Variants in FAM135A observed in about 807,000 individuals in gnomAD.
The protein encoded by FAM135A is family with sequence similarity 135 member A, also known as protein FAM135A.
Under a neutral mutation model 146.8 loss-of-function variants are expected in FAM135A, and 79 were observed. That is an observed-to-expected ratio of 0.54 (90% CI 0.45 to 0.65). The LOEUF is 0.65. Ranked by LOEUF, FAM135A falls within the 30% of genes least tolerant of loss-of-function variation. FAM135A has a pLI of 0.00. For missense variants in FAM135A, 1,623 were observed against 1,758.2 expected (o/e 0.92, Z 1.38); for synonymous variants, 562 against 603.6 (o/e 0.93, Z 1.01).
At chr6:70,454,196 A>G (rs565778159) in intron 5 of FAM135A, among the ~76,000 whole-genome samples, 50 of 152,132 alleles carry the variant, frequency 3.3e-4, no homozygotes, top group Non-Finnish European at 5.4e-4. Flanking sequence ...TGACTGCATA[A>G]ATGTCTTCTT....
intron 2 of FAM135A, among the ~76,000 whole-genome samples, chr6:70,422,068 A>G (rs970390519): frequency 5.3e-5 from 8 of 152,246 alleles, no homozygotes; most frequent in Non-Finnish European, 8.8e-5. Flanking sequence ...GTTCGCCCAC[A>G]GAATGAATTT....
At chr6:70,454,765 A>G (rs1204970602) in intron 5 of FAM135A, among the ~76,000 whole-genome samples, 1 of 151,914 alleles carries the variant, frequency 6.6e-6, no homozygotes, top group African/African-American at 2.4e-5. Context: ...CCATTGGTCT[A>G]TCTCTCTCTT....
At chr6:70,514,364 T>C (rs1791731119) in intron 12 of FAM135A, among the ~76,000 whole-genome samples, 2 of 152,176 alleles carry the variant, frequency 1.3e-5, no homozygotes, top group African/African-American at 4.8e-5. Flanking sequence ...TCCATTTTTA[T>C]GCTGAGAAGC....
At chr6:70,541,862 T>G (rs1797986474) in intron 20 of FAM135A, among the ~76,000 whole-genome samples, 1 of 152,208 alleles carries the variant, frequency 6.6e-6, no homozygotes, top group African/African-American at 2.4e-5. Context: ...GAAAGTGTTC[T>G]TGACTCTGCT....
At chr6:70,437,096 C>T (rs1048162250) in intron 4 of FAM135A, among the ~76,000 whole-genome samples, 23 of 152,070 alleles carry the variant, frequency 1.5e-4, no homozygotes, top group African/African-American at 5.6e-4. Context: ...TACTGTGTTT[C>T]TACATTAATG....
At chr6:70,426,131 A>AAC (rs761311501) in intron 2 of FAM135A, among the ~76,000 whole-genome samples, 13 of 147,218 alleles carry the variant, frequency 8.8e-5, no homozygotes, top group African/African-American at 2.2e-4. Flanking sequence ...ACAACAACAA[A>AAC]AAAAAAATTA....
intron 8 of FAM135A, among the ~76,000 whole-genome samples, chr6:70,480,617 G>A (rs1391278792): frequency 6.6e-6 from 1 of 152,020 alleles, no homozygotes; most frequent in Non-Finnish European, 1.5e-5. Context: ...TTGTTGTTTA[G>A]CTACTCTAAA....
chr6:70,545,056 AAAAAACAAAC>A (rs1372109178), intron 20 of FAM135A, among the ~76,000 whole-genome samples: 1 of 151,974 alleles, frequency 6.6e-6, no homozygotes, highest in Non-Finnish European at 1.5e-5. Flanking sequence ...TGTCTCAAAA[AAAAAACAAAC>A]AAAAACAAAC....
At chr6:70,501,878 G>A (rs981436521) in intron 11 of FAM135A, among the ~76,000 whole-genome samples, 9 of 152,264 alleles carry the variant, frequency 5.9e-5, no homozygotes, top group Middle Eastern at 3.4e-3. Context: ...GGTGTCACTG[G>A]GAGCTGCAGA....
intron 11 of FAM135A, among the ~76,000 whole-genome samples, chr6:70,495,632 T>C (rs1283916076): frequency 2.6e-5 from 4 of 152,108 alleles, no homozygotes; most frequent in Non-Finnish European, 5.9e-5. Flanking sequence ...AAATATATTT[T>C]ATTTTATTTT....
chr6:70,504,262 G>A (rs1789216971), intron 12 of FAM135A: 1 of 152,110 alleles, frequency 6.6e-6, no homozygotes, highest in African/African-American at 2.4e-5. Context: ...TGGTTATGTA[G>A]GTTTGCTCCA....
chr6:70,500,953 C>T (rs1047528648), intron 11 of FAM135A, among the ~76,000 whole-genome samples: 7 of 152,328 alleles, frequency 4.6e-5, no homozygotes, highest in Middle Eastern at 3.4e-3. Flanking sequence ...TCAGAAGGCA[C>T]GGGGGTCAGG....
chr6:70,441,305 T>G (rs1774411275), intron 4 of FAM135A, among the ~76,000 whole-genome samples: 1 of 152,128 alleles, frequency 6.6e-6, no homozygotes, highest in Non-Finnish European at 1.5e-5. Context: ...GGAGAATTGC[T>G]TGAGACTCAG....
chr6:70,441,105 C>A (rs1443054202), intron 4 of FAM135A, among the ~76,000 whole-genome samples: 2 of 152,094 alleles, frequency 1.3e-5, no homozygotes, highest in East Asian at 3.9e-4. Context: ...AATATTGTGT[C>A]ACTATCAGCT....
At chr6:70,542,156 T>C (rs1265183807) in intron 20 of FAM135A, among the ~76,000 whole-genome samples, 3 of 152,058 alleles carry the variant, frequency 2.0e-5, no homozygotes, top group East Asian at 1.9e-4. Context: ...TCATGATGCT[T>C]TGTGGTATTC....
At chr6:70,437,638 A>G (rs1233800632) in intron 4 of FAM135A, among the ~76,000 whole-genome samples, 1 of 152,098 alleles carries the variant, frequency 6.6e-6, no homozygotes, top group East Asian at 1.9e-4. Context: ...CAGAAAATAT[A>G]CTTTCCATTT....
intron 8 of FAM135A, among the ~76,000 whole-genome samples, chr6:70,478,065 A>T (rs757314060): frequency 2.0e-5 from 3 of 152,144 alleles, no homozygotes; most frequent in Non-Finnish European, 4.4e-5. Context: ...CAGATAGGCT[A>T]ATTTTATCTT....
intron 3 of FAM135A, among the ~76,000 whole-genome samples, chr6:70,427,137 A>T (rs1770341681): frequency 6.6e-6 from 1 of 152,180 alleles, no homozygotes; most frequent in Admixed American, 6.5e-5. Flanking sequence ...GTTGATAAGG[A>T]TGATTGTTAT....
intron 12 of FAM135A, among the ~76,000 whole-genome samples, chr6:70,520,247 A>G (rs1008392914): frequency 1.1e-4 from 16 of 152,204 alleles, no homozygotes; most frequent in African/African-American, 2.7e-4. Context: ...ACTAGTAAGT[A>G]TAAATCAGCT....
Sources: allele counts gnomAD v4.1 joint callset (sites outside exome capture counted in the v4.1 genomes callset), GRCh38; gene constraint gnomAD v4.1.1; transcripts MANE v1.5; gene names NCBI Gene and HGNC (gene_info 2026-07-23, HGNC 2026-07-21).